UMOD: variants seen among roughly 807,000 people sequenced by gnomAD.
The protein encoded by UMOD is Tamm-Horsfall urinary glycoprotein.
Under a neutral mutation model 66.0 loss-of-function variants are expected in UMOD, and 64 were observed. That is an observed-to-expected ratio of 0.97 (90% CI 0.79 to 1.19). The LOEUF (loss-of-function observed/expected upper bound fraction) is 1.19. UMOD is among the 50% of genes most tolerant of loss of function. The probability of loss-of-function intolerance (pLI) is 0.00; values close to 1 mark genes in which losing one functional copy is unlikely to be tolerated. For synonymous variants in UMOD, 398 were observed against 352.7 expected, an observed-to-expected ratio of 1.13 and a Z score of -1.44; for missense variants, 764 against 850.9, an observed-to-expected ratio of 0.90 and a Z score of 1.27.
rs1964901268 is a variant in UMOD at position 20,336,828 on chromosome 16, C to A, written c.1741-101G>T. On this transcript the variant is annotated intron_variant, in intron 8 of 10. Coordinates refer to ENST00000396138, the MANE Select transcript of UMOD (RefSeq NM_003361.4). ...CCCACCTCACAGGTGCCTTCCCTTGCCCCAGGCAGAAGTTGTTAGGAGACC... is the reference window on the plus strand; with the variant it reads ...CCCACCTCACAGGTGCCTTCCCTTGACCCAGGCAGAAGTTGTTAGGAGACC... 2.8e-6 allele frequency: 3 copies of A among 1,075,104 alleles called. No individual in the cohort carries two copies. In the South Asian group the frequency reaches 3.9e-5, roughly 14 times the overall value. The allele number at this position is 1,075,104 out of a possible 1,614,324, so 66.6% of individuals were successfully genotyped here.
Position 20,346,178 on chromosome 16 carries a change from C to A in UMOD, c.1130G>T (p.Trp377Leu). Residue 377 changes from tryptophan (W) to leucine (L), a missense_variant, in exon 5 of 11, where the codon TGG (tryptophan) becomes TTG (leucine). Coordinates refer to ENST00000396138, the MANE Select transcript of UMOD (RefSeq NM_003361.4). ...SGFNDRDNRDWVSVVTPARDG... is the reference protein window; with the variant it reads ...SGFNDRDNRDLVSVVTPARDG... Reference sequence around the variant, plus strand: ...CCGGGCTGGGGTCACTACAGACACCCAGTCCCGGTTGTCTCTGTCATTGAA... The same window carrying A: ...CCGGGCTGGGGTCACTACAGACACCAAGTCCCGGTTGTCTCTGTCATTGAA... 6.2e-7 allele frequency: 1 copy of A among 1,614,218 alleles called. No individual in the cohort carries two copies. The highest frequency in any genetic ancestry group is 1.1e-5 in the South Asian group (1 of 91,084).
chr16:20,336,247 A>G (rs1274124151), intron 9 of UMOD, among the ~76,000 whole-genome samples: 1 of 152,172 alleles, frequency 6.6e-6, no homozygotes, highest in Admixed American at 6.5e-5. Context: ...CACCTTCTTC[A>G]CTGATTCACA....
intron 1 of UMOD, among the ~76,000 whole-genome samples, chr16:20,352,010 T>TC (rs11284615): frequency 0.033 from 2,838 of 87,266 alleles, 58 homozygotes; most frequent in African/African-American, 0.05. Flanking sequence ...AGAGAGTCCA[T>TC]CCCCCCCCCC....
upstream of UMOD, among the ~76,000 whole-genome samples, chr16:20,353,472 A>G (rs545052115): frequency 1.3e-5 from 2 of 152,354 alleles, no homozygotes; most frequent in Non-Finnish European, 2.9e-5. Flanking sequence ...CTATAAAATG[A>G]GAATACCCAT....
At chr16:20,341,620 T>C (rs553432823) in intron 6 of UMOD, among the ~76,000 whole-genome samples, 26 of 152,336 alleles carry the variant, frequency 1.7e-4, no homozygotes, top group South Asian at 6.2e-4. Context: ...TGCTGGTCTA[T>C]GGATCAATCA....
In UMOD at chr16:20,346,116, C is replaced by G. The variant is rs747298112; in HGVS notation, c.1182+10G>C. ...TGCTCTGGTTCTGTCCCCCACTGGC[C>G]AGGACGTACCGTCAACACTGTCCCA... is the stretch of plus-strand genomic sequence containing the variant. On this transcript the variant is annotated intron_variant, in intron 5 of 10. Transcript: ENST00000396138. The G allele has an allele frequency of 6.2e-7, 1 of 1,612,870 alleles. No individual in the cohort carries two copies. Among genetic ancestry groups the G allele is most frequent in the Admixed American group, 1.7e-5 (1 of 60,006 alleles).
At chr16:20,346,501 C>T (rs1363663526) in intron 4 of UMOD, among the ~76,000 whole-genome samples, 167 bp from the exon 5 acceptor site, 1 of 152,182 alleles carries the variant, frequency 6.6e-6, no homozygotes, top group Non-Finnish European at 1.5e-5. Context: ...AAGATTGGAC[C>T]TCTGACATCA....
chr16:20,344,881 A>G (rs1965456787), intron 5 of UMOD, among the ~76,000 whole-genome samples: 1 of 152,176 alleles, frequency 6.6e-6, no homozygotes, highest in South Asian at 2.1e-4. Flanking sequence ...ATTGCCCACA[A>G]TATGTGACAT....
chr16:20,343,748 C>T (rs1965368676), intron 6 of UMOD, among the ~76,000 whole-genome samples: 1 of 152,230 alleles, frequency 6.6e-6, no homozygotes, highest in African/African-American at 2.4e-5. Context: ...GGCTTAATAA[C>T]TCACTCAAGC....
At position 20,350,803 on chromosome 16, in the gene UMOD, C is replaced by T; in HGVS notation, c.-66G>A. The T allele has an allele frequency of 6.2e-7, 1 of 1,606,274 alleles. No individual in the cohort carries two copies. Among genetic ancestry groups the T allele is most frequent in the Non-Finnish European group, 8.5e-7 (1 of 1,176,406 alleles). ...TGCCCAAAGGAAAGACGGGTTGGCC[C>T]TTTGAATTTTTCTCTCTGTCTCTGA... On this transcript the variant is annotated 5_prime_UTR_variant, in exon 2 of 11. Coordinates refer to ENST00000396138, the MANE Select transcript of UMOD (RefSeq NM_003361.4).
chr16:20,350,368 C>A (rs1965831103), intron 2 of UMOD, among the ~76,000 whole-genome samples: 1 of 152,136 alleles, frequency 6.6e-6, no homozygotes, highest in Non-Finnish European at 1.5e-5. Context: ...AATGTGTACT[C>A]CAGGGACCCC....
Position 20,341,092 on chromosome 16 carries a change from T to C in UMOD, c.1576A>G (p.Arg526Gly), listed in dbSNP as rs773843107. 3 of 1,613,754 alleles carry C rather than the reference T, an allele frequency of 1.9e-6. No individual in the cohort carries two copies. Among genetic ancestry groups the C allele is most frequent in the Non-Finnish European group, 2.5e-6 (3 of 1,179,930 alleles). ...CCCATGTAGGAACCTTTGCCTTACCTGTCCTGGATGATGAAGTACTTCAGG... is the reference window on the plus strand; with the variant it reads ...CCCATGTAGGAACCTTTGCCTTACCCGTCCTGGATGATGAAGTACTTCAGG... ...DPLKYFIIQD[R>G]CPHTRDSTIQ... The change falls in exon 7 of 11, where the codon AGA (arginine) becomes GGA (glycine). Residue 526 changes from arginine (R) to glycine (G), a missense_variant and splice_region_variant. Transcript: ENST00000396138.
upstream of UMOD, among the ~76,000 whole-genome samples, chr16:20,353,051 G>A (rs1344512621): frequency 6.6e-6 from 1 of 152,168 alleles, no homozygotes; most frequent in Non-Finnish European, 1.5e-5. Flanking sequence ...TCACTGACAA[G>A]GGCAGGGTGG....
At chr16:20,355,691 C>A (rs958317022), upstream of UMOD, among the ~76,000 whole-genome samples, 1 of 152,156 alleles carries the variant, frequency 6.6e-6, no homozygotes, top group African/African-American at 2.4e-5. Flanking sequence ...TGAGCCACCA[C>A]AACCAGCCTG....
intron 1 of UMOD, 100 bp from the exon 2 acceptor site, chr16:20,350,939 C>A (rs758645195): frequency 7.1e-5 from 90 of 1,270,158 alleles, no homozygotes; most frequent in Non-Finnish European, 9.0e-5. Context: ...CAGGAGGTGT[C>A]ACTTATATGG....
At chr16:20,354,938 T>A (rs932958960), upstream of UMOD, among the ~76,000 whole-genome samples, 3 of 152,172 alleles carry the variant, frequency 2.0e-5, no homozygotes, top group African/African-American at 7.2e-5. Context: ...CTGCTTTAGA[T>A]CACCCCAAGG....
upstream of UMOD, among the ~76,000 whole-genome samples, chr16:20,355,103 C>A (rs1966010587): frequency 6.6e-6 from 1 of 152,144 alleles, no homozygotes; most frequent in Admixed American, 6.5e-5. Context: ...CCCTTGCTCT[C>A]TTTGCTTCCT....
At chr16:20,335,758 C>G (rs893888674) in intron 9 of UMOD, among the ~76,000 whole-genome samples, 3 of 152,198 alleles carry the variant, frequency 2.0e-5, no homozygotes, top group Non-Finnish European at 4.4e-5. Context: ...AGCAGCTCAT[C>G]CCACACAACT....
At chr16:20,335,029 T>C (rs912344214) in intron 10 of UMOD, among the ~76,000 whole-genome samples, 6 of 152,046 alleles carry the variant, frequency 3.9e-5, no homozygotes, top group Non-Finnish European at 8.8e-5. Context: ...GGTTTCACCA[T>C]GTTGGCCACG....
Sources: gnomAD v4.1 joint callset for allele counts (sites outside exome capture counted in the v4.1 genomes callset) on GRCh38, gnomAD v4.1.1 for gene constraint, MANE v1.5 for transcripts, NCBI Gene and HGNC (gene_info 2026-07-23, HGNC 2026-07-21) for gene names.